The following TMTC2 variants were observed in gnomAD, a reference collection of about 807,000 sequenced individuals.
The protein encoded by TMTC2 is protein O-mannosyl-transferase TMTC2.
Under a neutral mutation model 82.4 loss-of-function variants are expected in TMTC2, and 43 were observed. The ratio of observed to expected loss-of-function variants is 0.52; its 90% confidence interval spans 0.41 to 0.67. The LOEUF is 0.67. Among genes scored for constraint, TMTC2 ranks in the 30% least tolerant of loss-of-function variants. The pLI, the probability that TMTC2 is intolerant of heterozygous loss-of-function variation, is 0.00. For missense variants in TMTC2, 919 were observed against 1,012.4 expected (o/e 0.91, Z 1.25); for synonymous variants, 408 against 381.9 (o/e 1.07, Z -0.80).
intron 1 of TMTC2, among the ~76,000 whole-genome samples, chr12:82,796,805 A>G (rs966550775): frequency 6.6e-6 from 1 of 152,058 alleles, no homozygotes; most frequent in East Asian, 1.9e-4. Context: ...GTGCAGTTCT[A>G]CAACTTACCA....
intron 2 of TMTC2, among the ~76,000 whole-genome samples, chr12:82,861,539 A>G (rs1042810002): frequency 2.0e-5 from 3 of 152,246 alleles, no homozygotes; most frequent in African/African-American, 7.2e-5. Context: ...TTTTTATTTG[A>G]TAAAATATAT....
intron 1 of TMTC2, among the ~76,000 whole-genome samples, chr12:82,798,592 G>A (rs1349607352): frequency 6.6e-6 from 1 of 151,530 alleles, no homozygotes; most frequent in African/African-American, 2.4e-5. Flanking sequence ...GATCACTTGA[G>A]TTCAGGAGTT....
intron 11 of TMTC2, among the ~76,000 whole-genome samples, chr12:83,095,636 G>C (rs2137526202): frequency 6.6e-6 from 1 of 152,252 alleles, no homozygotes; most frequent in South Asian, 2.1e-4. Context: ...GTGAGTGAAA[G>C]AATGAATTAA....
chr12:83,012,794 G>A (rs545967005), intron 8 of TMTC2, among the ~76,000 whole-genome samples: 14 of 152,238 alleles, frequency 9.2e-5, no homozygotes, highest in African/African-American at 3.4e-4. Context: ...ATGTTAATGA[G>A]TATGTACAGT....
At chr12:82,838,741 C>G (rs1306834587) in intron 1 of TMTC2, among the ~76,000 whole-genome samples, 1 of 149,768 alleles carries the variant, frequency 6.7e-6, no homozygotes, top group Non-Finnish European at 1.5e-5. Flanking sequence ...CACTTAAATT[C>G]TTCTGCAGGG....
At chr12:82,953,201 C>A (rs1400627410) in intron 4 of TMTC2, among the ~76,000 whole-genome samples, 1 of 152,160 alleles carries the variant, frequency 6.6e-6, no homozygotes, top group Non-Finnish European at 1.5e-5. Context: ...TAAAGCAATG[C>A]AGGATTCTTG....
intron 4 of TMTC2, among the ~76,000 whole-genome samples, chr12:82,931,844 G>A (rs1876047211): frequency 6.6e-6 from 1 of 152,114 alleles, no homozygotes; most frequent in Admixed American, 6.6e-5. Context: ...CCCGGAAAAA[G>A]TTGTTGGACT....
At chr12:82,921,591 G>C (rs1363970980) in intron 3 of TMTC2, among the ~76,000 whole-genome samples, 1 of 152,068 alleles carries the variant, frequency 6.6e-6, no homozygotes, top group Non-Finnish European at 1.5e-5. Context: ...TTCCAAGTTA[G>C]AGCAGTTTCA....
At chr12:82,750,797 C>A (rs1474664828) in intron 1 of TMTC2, among the ~76,000 whole-genome samples, 1 of 152,102 alleles carries the variant, frequency 6.6e-6, no homozygotes, top group Non-Finnish European at 1.5e-5. Flanking sequence ...ATGACTTTTT[C>A]TTCTTCTGGG....
At chr12:82,847,545 C>G (rs991211005) in intron 1 of TMTC2, among the ~76,000 whole-genome samples, 2 of 152,064 alleles carry the variant, frequency 1.3e-5, no homozygotes, top group African/African-American at 4.8e-5. Context: ...GGAACCAACC[C>G]AAATGCCCAT....
At chr12:82,845,184 G>T (rs573717306) in intron 1 of TMTC2, among the ~76,000 whole-genome samples, 2 of 128,890 alleles carry the variant, frequency 1.6e-5, no homozygotes, top group Non-Finnish European at 3.1e-5. Flanking sequence ...AGCCGAGATC[G>T]TGCCACTGCT....
intron 4 of TMTC2, among the ~76,000 whole-genome samples, chr12:82,942,278 A>C (rs1876764530): frequency 6.6e-6 from 1 of 152,220 alleles, no homozygotes; most frequent in African/African-American, 2.4e-5. Flanking sequence ...GAAAAAATTA[A>C]ATAGTAAATA....
chr12:82,865,912 C>T (rs1638469977), intron 2 of TMTC2, among the ~76,000 whole-genome samples: 1 of 152,144 alleles, frequency 6.6e-6, no homozygotes, highest in African/African-American at 2.4e-5. Flanking sequence ...TGAATGACTA[C>T]TGGGTACATA....
intron 2 of TMTC2, among the ~76,000 whole-genome samples, chr12:82,874,878 A>G: frequency 6.6e-6 from 1 of 152,170 alleles, no homozygotes; most frequent in Admixed American, 6.5e-5. Context: ...CTTTTTAAAT[A>G]CTGAAATTAA....
At chr12:82,975,998 C>G (rs1878653776) in intron 7 of TMTC2, among the ~76,000 whole-genome samples, 1 of 151,866 alleles carries the variant, frequency 6.6e-6, no homozygotes, top group Admixed American at 6.6e-5. Context: ...TTTTAATTTT[C>G]CTGAAGACAG....
chr12:82,920,657 C>A (rs544977229), intron 3 of TMTC2, among the ~76,000 whole-genome samples: 5 of 152,156 alleles, frequency 3.3e-5, no homozygotes, highest in African/African-American at 1.2e-4. Context: ...AGAAGAATTT[C>A]TTTTTATTTT....
At chr12:82,955,422 G>C (rs1289611455) in intron 4 of TMTC2, among the ~76,000 whole-genome samples, 1 of 152,142 alleles carries the variant, frequency 6.6e-6, no homozygotes, top group Non-Finnish European at 1.5e-5. Flanking sequence ...GGGTTTGACT[G>C]TTCTTTATTA....
chr12:82,868,360 A>AGCTG (rs1183506473), intron 2 of TMTC2, among the ~76,000 whole-genome samples: 1 of 152,250 alleles, frequency 6.6e-6, no homozygotes, highest in Non-Finnish European at 1.5e-5. Context: ...ATTGAAAGAA[A>AGCTG]GCTGAGGAAA....
intron 11 of TMTC2, among the ~76,000 whole-genome samples, chr12:83,111,706 C>T (rs1352594911): frequency 2.6e-5 from 4 of 151,916 alleles, no homozygotes; most frequent in Admixed American, 2.6e-4. Context: ...GAGTTTTTGA[C>T]TCTATTACAT....
Sources: allele counts gnomAD v4.1 joint callset (sites outside exome capture counted in the v4.1 genomes callset), GRCh38; gene constraint gnomAD v4.1.1; transcripts MANE v1.5; gene names NCBI Gene and HGNC (gene_info 2026-07-23, HGNC 2026-07-21).